Variants in PTPRG observed in about 807,000 individuals in gnomAD.
PTPRG encodes receptor-type tyrosine-protein phosphatase gamma.
In PTPRG, 102 loss-of-function variants were observed where a neutral mutation model predicts 165.3. The ratio of observed to expected loss-of-function variants is 0.62; its 90% CI spans 0.53 to 0.73. PTPRG has a LOEUF of 0.73. PTPRG is among the 30% of genes least tolerant of loss of function. PTPRG has a pLI of 0.00. For synonymous variants in PTPRG, 675 were observed against 669.5 expected, an observed-to-expected ratio of 1.01 and a Z score of -0.13; for missense variants, 1,866 against 1,861.4, an observed-to-expected ratio of 1.00 and a Z score of -0.05.
At chr3:61,666,026 G>A (rs1303139424) in intron 1 of PTPRG, among the ~76,000 whole-genome samples, 1 of 150,958 alleles carries the variant, frequency 6.6e-6, no homozygotes, top group Admixed American at 6.6e-5. Flanking sequence ...ATTATACTGG[G>A]AACTGGAAAC....
At chr3:62,278,600 A>C (rs1702318195) in intron 26 of PTPRG, among the ~76,000 whole-genome samples, 1 of 152,062 alleles carries the variant, frequency 6.6e-6, no homozygotes, top group Non-Finnish European at 1.5e-5. Context: ...GAGTTTTTTA[A>C]TCAAGGAAGA....
intron 2 of PTPRG, among the ~76,000 whole-genome samples, chr3:61,793,455 TC>T (rs2034951451): frequency 6.6e-6 from 1 of 152,228 alleles, no homozygotes; most frequent in Admixed American, 6.5e-5. Context: ...GATGGCAACT[TC>T]CTGGCCTAGA....
At chr3:61,897,104 C>A (rs2038376757) in intron 2 of PTPRG, among the ~76,000 whole-genome samples, 1 of 151,990 alleles carries the variant, frequency 6.6e-6, no homozygotes, top group Admixed American at 6.6e-5. Context: ...CTCAGTTTAT[C>A]AAATTTTCCT....
chr3:62,167,839 G>T, intron 7 of PTPRG, 132 bp from the exon 8 acceptor site: 1 of 849,068 alleles, frequency 1.2e-6, no homozygotes, highest in Non-Finnish European at 1.8e-6. Flanking sequence ...TAGCAGCCCT[G>T]GCATTGGGCA....
chr3:61,645,034 T>C (rs1702163733), intron 1 of PTPRG, among the ~76,000 whole-genome samples: 1 of 152,182 alleles, frequency 6.6e-6, no homozygotes, highest in Non-Finnish European at 1.5e-5. Context: ...ATCTTGGATA[T>C]TGCTTTTCCT....
At chr3:61,892,465 T>G (rs2038240240) in intron 2 of PTPRG, among the ~76,000 whole-genome samples, 1 of 152,174 alleles carries the variant, frequency 6.6e-6, no homozygotes, top group South Asian at 2.1e-4. Flanking sequence ...TCCTCTCACT[T>G]CAGCCTCCCA....
At chr3:61,763,244 GT>G (rs548286039) in intron 2 of PTPRG, among the ~76,000 whole-genome samples, 37 of 146,542 alleles carry the variant, frequency 2.5e-4, no homozygotes, top group Middle Eastern at 3.4e-3. Flanking sequence ...ATTTTCAGGT[GT>G]TTTTTTTTTT....
At chr3:61,867,931 AC>A (rs2037455773) in intron 2 of PTPRG, among the ~76,000 whole-genome samples, 1 of 152,082 alleles carries the variant, frequency 6.6e-6, no homozygotes, top group Admixed American at 6.5e-5. Flanking sequence ...GGAGTCTGAG[AC>A]CTTGGTCTGC....
chr3:62,269,417 A>C (rs1407208544), intron 20 of PTPRG, among the ~76,000 whole-genome samples: 3 of 152,170 alleles, frequency 2.0e-5, no homozygotes, highest in Non-Finnish European at 4.4e-5. Context: ...TTTTTAAAAA[A>C]TCATCCTCTT....
chr3:61,745,145 G>T (rs1240024898), intron 1 of PTPRG, among the ~76,000 whole-genome samples: 1 of 147,186 alleles, frequency 6.8e-6, no homozygotes, highest in East Asian at 2.0e-4. Flanking sequence ...CCGCCTCCTG[G>T]GTTCAAGCGA....
chr3:61,900,810 G>T (rs1055700446), intron 2 of PTPRG, among the ~76,000 whole-genome samples: 1 of 151,964 alleles, frequency 6.6e-6, no homozygotes, highest in Non-Finnish European at 1.5e-5. Context: ...AAAAAAAATC[G>T]TAGGTGGCAG....
At chr3:61,582,343 A>T (rs1184713894) in intron 1 of PTPRG, among the ~76,000 whole-genome samples, 2 of 152,132 alleles carry the variant, frequency 1.3e-5, no homozygotes, top group Non-Finnish European at 2.9e-5. Flanking sequence ...ATGTCATTAT[A>T]TCTAAATGAT....
intron 4 of PTPRG, among the ~76,000 whole-genome samples, chr3:62,019,170 C>T (rs1348115156): frequency 6.6e-6 from 1 of 152,174 alleles, no homozygotes; most frequent in Non-Finnish European, 1.5e-5. Context: ...TGAGGTCCCT[C>T]TGCGACCTCC....
chr3:62,228,260 T>C lies in PTPRG; in HGVS notation c.2289-2965T>C, dbSNP rs1576158810. ...AAAGGAGGCTGGGCGCGGTGGCTCA[T>C]GCCTGTCATCTCAGCACTTTGGGAG... On this transcript the variant is annotated intron_variant, in intron 13 of 29. Transcript: ENST00000474889. This position sits in a 1 kb window ranked among gnomAD's most constrained non-coding sequence, Gnocchi z 4.1. Among the ~76,000 whole-genome samples, 1 of 152,106 alleles carries C rather than the reference T, an allele frequency of 6.6e-6. No homozygotes were observed. Among genetic ancestry groups the C allele is most frequent in the Non-Finnish European group, 1.5e-5 (1 of 68,008 alleles).
intron 4 of PTPRG, among the ~76,000 whole-genome samples, chr3:62,077,632 G>A (rs572691096): frequency 6.6e-6 from 1 of 152,196 alleles, no homozygotes; most frequent in Non-Finnish European, 1.5e-5. Context: ...TGAATGCATT[G>A]TAGTTATGTG....
intron 1 of PTPRG, among the ~76,000 whole-genome samples, chr3:61,603,233 A>G (rs954423742): frequency 2.5e-4 from 38 of 152,198 alleles, no homozygotes; most frequent in African/African-American, 7.5e-4. Flanking sequence ...TCCCTACCCA[A>G]CACTCATGTT....
chr3:61,706,112 G>T (rs1400543042), intron 1 of PTPRG, among the ~76,000 whole-genome samples: 5 of 152,112 alleles, frequency 3.3e-5, no homozygotes, highest in South Asian at 2.1e-4. Context: ...AGGATTAAAT[G>T]CTTGCCATCT....
At chr3:62,065,577 A>C (rs192638283) in intron 4 of PTPRG, among the ~76,000 whole-genome samples, 16 of 152,224 alleles carry the variant, frequency 1.1e-4, no homozygotes, top group Non-Finnish European at 2.1e-4. Flanking sequence ...ATTTTAAGGG[A>C]TACTGAATAA....
At chr3:61,734,314 GA>G (rs1374517341) in intron 1 of PTPRG, among the ~76,000 whole-genome samples, 1 of 152,066 alleles carries the variant, frequency 6.6e-6, no homozygotes, top group Non-Finnish European at 1.5e-5. Flanking sequence ...AAATATCAAA[GA>G]ATAGATTAAC....
Sources: allele counts gnomAD v4.1 joint callset (sites outside exome capture counted in the v4.1 genomes callset), GRCh38; gene constraint gnomAD v4.1.1; non-coding constraint Gnocchi (gnomAD v3.1); transcripts MANE v1.5; gene names NCBI Gene and HGNC (gene_info 2026-07-23, HGNC 2026-07-21).